Variants in FGD4 observed in about 807,000 individuals in gnomAD.
The protein encoded by FGD4 is FYVE, RhoGEF and PH domain containing 4.
FGD4 carries 42 observed loss-of-function variants against 102.0 expected under a neutral mutation model. The observed-to-expected ratio is 0.41, with a 90% confidence interval of 0.32 to 0.53. The LOEUF is 0.53. Ranked by LOEUF, FGD4 falls within the 20% of genes least tolerant of loss-of-function variation. The probability of loss-of-function intolerance (pLI) is 0.21; values close to 1 mark genes in which losing one functional copy is unlikely to be tolerated. For missense variants in FGD4, 902 were observed against 1,078.2 expected, an observed-to-expected ratio of 0.84 and a Z score of 2.29; for synonymous variants, 380 against 375.7, an observed-to-expected ratio of 1.01 and a Z score of -0.13.
intron 1 of FGD4, among the ~76,000 whole-genome samples, chr12:32,423,160 A>C (rs1299966578): frequency 6.6e-6 from 1 of 152,232 alleles, no homozygotes; most frequent in Non-Finnish European, 1.5e-5. Context: ...AGTCTAAAAA[A>C]CAAAACAACT....
intron 1 of FGD4, among the ~76,000 whole-genome samples, chr12:32,533,604 T>C (rs1941992242): frequency 6.6e-6 from 1 of 152,160 alleles, no homozygotes; most frequent in African/African-American, 2.4e-5. Context: ...TGTTGTATTT[T>C]TAGTAGAGAT....
intron 1 of FGD4, among the ~76,000 whole-genome samples, chr12:32,560,598 C>T (rs12296975): frequency 0.7 from 105,847 of 152,084 alleles, 38,185 homozygotes; most frequent in African/African-American, 0.89. Context: ...TTACTTTTGC[C>T]TTCTAAATTC....
intron 1 of FGD4, among the ~76,000 whole-genome samples, chr12:32,460,172 A>C (rs1017475096): frequency 6.6e-6 from 1 of 152,212 alleles, no homozygotes; most frequent in Admixed American, 6.5e-5. Flanking sequence ...TGTGAAGCCA[A>C]TATTTAAAAC....
intron 1 of FGD4, among the ~76,000 whole-genome samples, chr12:32,414,924 G>T (rs2733704): frequency 4.6e-5 from 7 of 151,912 alleles, no homozygotes; most frequent in Non-Finnish European, 8.8e-5. Context: ...CCTCATAGGT[G>T]TAAATTTCCT....
intron 1 of FGD4, among the ~76,000 whole-genome samples, chr12:32,561,075 GTTTTTTTTT>G (rs1218919677): frequency 1.2e-5 from 1 of 85,182 alleles, no homozygotes; most frequent in East Asian, 3.4e-4. Context: ...GTTGGGTTTT[GTTTTTTTTT>G]TTTTTTTTTT....
intron 4 of FGD4, among the ~76,000 whole-genome samples, chr12:32,589,819 G>T (rs1947328609): frequency 6.6e-6 from 1 of 151,604 alleles, no homozygotes; most frequent in South Asian, 2.1e-4. Context: ...AGAGGTTGCA[G>T]TGAGCTGAGA....
At chr12:32,521,808 A>G (rs528068393) in intron 1 of FGD4, among the ~76,000 whole-genome samples, 2 of 152,290 alleles carry the variant, frequency 1.3e-5, no homozygotes, top group Admixed American at 6.5e-5. Context: ...AAGATAAGCC[A>G]TACTCCATGA....
intron 1 of FGD4, among the ~76,000 whole-genome samples, chr12:32,491,150 A>AAAG (rs1855335449): frequency 6.9e-6 from 1 of 143,990 alleles, no homozygotes; most frequent in Non-Finnish European, 1.5e-5. Context: ...AAAAAAAAAA[A>AAAG]CAAAAAACTA....
At chr12:32,512,287 A>G (rs1175433209) in intron 1 of FGD4, among the ~76,000 whole-genome samples, 1 of 152,030 alleles carries the variant, frequency 6.6e-6, no homozygotes, top group African/African-American at 2.4e-5. Context: ...TCTCTACTAA[A>G]AATTAAAAAA....
At chr12:32,491,147 A>C (rs994824091) in intron 1 of FGD4, among the ~76,000 whole-genome samples, 5 of 151,026 alleles carry the variant, frequency 3.3e-5, no homozygotes, top group African/African-American at 7.3e-5. Flanking sequence ...AAAAAAAAAA[A>C]AAACAAAAAA....
intron 1 of FGD4, among the ~76,000 whole-genome samples, chr12:32,403,158 G>C (rs1268317209): frequency 6.6e-6 from 1 of 152,088 alleles, no homozygotes; most frequent in Non-Finnish European, 1.5e-5. Flanking sequence ...TCAAGAACTT[G>C]GCAGAAAATT....
intron 1 of FGD4, among the ~76,000 whole-genome samples, chr12:32,536,928 T>C (rs1040681481): frequency 6.6e-6 from 1 of 151,130 alleles, no homozygotes; most frequent in African/African-American, 2.5e-5. Flanking sequence ...CTCTCTCTTT[T>C]CTTTTTTTTT....
intron 1 of FGD4, among the ~76,000 whole-genome samples, chr12:32,403,360 C>T (rs986743451): frequency 1.3e-4 from 20 of 152,254 alleles, no homozygotes; most frequent in African/African-American, 4.6e-4. Flanking sequence ...ATAGCACTCA[C>T]GTTCTAGTCC....
intron 1 of FGD4, among the ~76,000 whole-genome samples, chr12:32,473,316 C>T (rs1169169452): frequency 6.6e-6 from 1 of 151,802 alleles, no homozygotes; most frequent in African/African-American, 2.4e-5. Context: ...TGCTACTGCT[C>T]ACTTTTTGGG....
In FGD4 at chr12:32,450,300, G is replaced by A. The variant is rs544719987; in HGVS notation, c.166+50341G>A. 1.2e-3 allele frequency among the ~76,000 whole-genome samples: 181 copies of A among 152,082 alleles called. 1 individual carries two copies. Among genetic ancestry groups the A allele is most frequent in the African/African-American group, 4.2e-3 (174 of 41,470 alleles). ...TTGCCCAGGCTGGTCTTGAACTCTC[G>A]GATTTAGGAGATCCTCCTGCCTTAG... On this transcript the variant is annotated intron_variant, in intron 1 of 16. Transcript: ENST00000534526.
At chr12:32,432,350 G>A (rs1942077129) in intron 1 of FGD4, among the ~76,000 whole-genome samples, 1 of 150,472 alleles carries the variant, frequency 6.6e-6, no homozygotes, top group Middle Eastern at 3.4e-3. Flanking sequence ...GTGAGCCACC[G>A]CGCCCGACCA....
intron 7 of FGD4, among the ~76,000 whole-genome samples, chr12:32,606,169 G>A (rs1270596079): frequency 2.0e-5 from 3 of 152,184 alleles, no homozygotes; most frequent in Admixed American, 2.0e-4. Context: ...AACCCAATGA[G>A]ATATTTAAAT....
At chr12:32,589,188 A>AT (rs556016604) in intron 4 of FGD4, among the ~76,000 whole-genome samples, 46 of 152,350 alleles carry the variant, frequency 3.0e-4, no homozygotes, top group African/African-American at 1.0e-3. Flanking sequence ...GTGTTTATTA[A>AT]TTAAACATCC....
At chr12:32,485,944 T>C in intron 1 of FGD4, 1 of 1,277,440 alleles carries the variant, frequency 7.8e-7, no homozygotes, top group East Asian at 3.1e-5. Context: ...GAAGAAGACT[T>C]ATGAAACAGA....
Sources: allele counts gnomAD v4.1 joint callset (sites outside exome capture counted in the v4.1 genomes callset), GRCh38; gene constraint gnomAD v4.1.1; transcripts MANE v1.5; gene names NCBI Gene and HGNC (gene_info 2026-07-23, HGNC 2026-07-21).